ERAP1: variants seen among roughly 807,000 people sequenced by gnomAD.
ERAP1 encodes endoplasmic reticulum aminopeptidase 1, also known as adipocyte-derived leucine aminopeptidase.
ERAP1 carries 86 observed loss-of-function variants against 103.7 expected under a neutral mutation model. That is an observed-to-expected ratio of 0.83 (90% confidence interval 0.70 to 0.99). The LOEUF is 0.99. Ranked by LOEUF, ERAP1 falls within the 50% of genes least tolerant of loss-of-function variation. The pLI, the probability that ERAP1 is intolerant of heterozygous loss-of-function variation, is 0.00. For missense variants in ERAP1, 1,009 were observed against 1,128.4 expected (o/e 0.89, Z 1.52); for synonymous variants, 398 against 402.4 (o/e 0.99, Z 0.13).
chr5:96,773,127 T>C (rs1053341370), downstream of ERAP1: 3 of 153,888 alleles, frequency 1.9e-5, no homozygotes, highest in Non-Finnish European at 1.5e-5. Flanking sequence ...TGCTTTGGGA[T>C]AATGTTTATA....
At chr5:96,926,938 C>T in the ERAP1 span, among the ~76,000 whole-genome samples, 1 of 152,108 alleles carries the variant, frequency 6.6e-6, no homozygotes, top group Non-Finnish European at 1.5e-5. Flanking sequence ...CGCCTCAGCC[C>T]CACAAGTAGC....
At chr5:96,865,264 G>GA in the ERAP1 span, among the ~76,000 whole-genome samples, 3 of 152,102 alleles carry the variant, frequency 2.0e-5, no homozygotes, top group East Asian at 1.9e-4. Context: ...GCAACTTATA[G>GA]AAAAAATGTG....
chr5:96,850,408 C>A, the ERAP1 span, among the ~76,000 whole-genome samples: 2 of 151,862 alleles, frequency 1.3e-5, no homozygotes, highest in African/African-American at 4.8e-5. Flanking sequence ...AACAAATAAC[C>A]CTACTAAAAA....
Position 96,803,507 on chromosome 5 carries a change from A to G in ERAP1, c.420T>C (p.Leu140=). The G allele has an allele frequency of 6.2e-7, 1 of 1,613,330 alleles. No individual in the cohort carries two copies. The highest frequency in any genetic ancestry group is 1.1e-5 in the South Asian group (1 of 91,070). Residue 140 remains leucine, a synonymous_variant, in exon 2 of 19, where the codon CTT becomes CTC. Transcript: ENST00000443439. ...QIALLAPEPL[L]VGLPYTVVIH... ...TGACAACTGTGTACGGGAGCCCGAC[A>G]AGGAGGGGCTCGGGAGCCAGCAGTG...
chr5:96,822,911 G>T, the ERAP1 span: 1 of 368,700 alleles, frequency 2.7e-6, no homozygotes. Context: ...GCTGAATCAA[G>T]GTGTCATCCA....
At chr5:96,799,378 A>G in intron 3 of ERAP1, among the ~76,000 whole-genome samples, 1 of 152,024 alleles carries the variant, frequency 6.6e-6, no homozygotes, top group East Asian at 1.9e-4. Context: ...GGCTACTCGT[A>G]TTAGATTTCT....
the ERAP1 span, among the ~76,000 whole-genome samples, chr5:96,840,836 G>T: frequency 6.6e-6 from 1 of 151,940 alleles, no homozygotes; most frequent in Non-Finnish European, 1.5e-5. Flanking sequence ...CTCCCAACTG[G>T]CTGGGACTAC....
the ERAP1 span, among the ~76,000 whole-genome samples, chr5:96,899,847 A>G: frequency 6.6e-6 from 1 of 152,210 alleles, no homozygotes; most frequent in Non-Finnish European, 1.5e-5. Context: ...AAAATTCAAC[A>G]AATTGATTCT....
chr5:96,924,229 G>A, the ERAP1 span, among the ~76,000 whole-genome samples: 1 of 152,152 alleles, frequency 6.6e-6, no homozygotes, highest in Non-Finnish European at 1.5e-5. Flanking sequence ...AAAGTGAAGC[G>A]TTAGCTCCTG....
At position 96,774,566 on chromosome 5, in the gene ERAP1, C is replaced by G. The variant is rs1773661992; in HGVS notation, c.*1830G>C. 2.0e-6 allele frequency: 2 copies of G among 985,332 alleles called. No homozygotes were observed. The highest frequency in any genetic ancestry group is 3.5e-5 in the African/African-American group (2 of 57,194). 61.0% of individuals were successfully genotyped at this position (985,332 alleles called of 1,614,324 possible). ...ATATTGTATCTGTTTAGAAAATGGG[C>G]TTTTCCAAAAGCAAACAAAGATAGG... On this transcript the variant is annotated 3_prime_UTR_variant, in exon 19 of 19. Transcript: ENST00000443439.
At chr5:96,808,208 G>GTGTT (rs1778898749), upstream of ERAP1, 1 of 181,596 alleles carries the variant, frequency 5.5e-6, no homozygotes, top group Admixed American at 1.2e-4. Flanking sequence ...GTGTGTGTGT[G>GTGTT]TGTGTGTGTG....
chr5:96,839,454 G>A, the ERAP1 span, among the ~76,000 whole-genome samples: 1 of 152,216 alleles, frequency 6.6e-6, no homozygotes, highest in Admixed American at 6.5e-5. Flanking sequence ...CCCACTGTGA[G>A]TTAGGAAGAC....
chr5:96,808,499 C>T (rs1458497779), upstream of ERAP1, among the ~76,000 whole-genome samples: 1 of 151,922 alleles, frequency 6.6e-6, no homozygotes, highest in Non-Finnish European at 1.5e-5. Flanking sequence ...GAACCCAGTA[C>T]TCTGTCGTGG....
chr5:96,776,700 A>C, intron 18 of ERAP1, 149 bp from the exon 19 acceptor site: 3 of 1,163,610 alleles, frequency 2.6e-6, no homozygotes, highest in Non-Finnish European at 3.6e-6. Flanking sequence ...ATGTACACAT[A>C]AGCTGTATGA....
chr5:96,841,614 G>C, the ERAP1 span, among the ~76,000 whole-genome samples: 13 of 152,158 alleles, frequency 8.5e-5, no homozygotes, highest in African/African-American at 2.9e-4. Context: ...AGGCAACCTA[G>C]CTAACCCAGA....
At chr5:96,776,698 A>G (rs1038504242) in intron 18 of ERAP1, 147 bp from the exon 19 acceptor site, 11 of 1,175,640 alleles carry the variant, frequency 9.4e-6, no homozygotes, top group East Asian at 2.5e-5. Flanking sequence ...TTATGTACAC[A>G]TAAGCTGTAT....
chr5:96,882,626 G>T, the ERAP1 span, among the ~76,000 whole-genome samples: 1 of 152,158 alleles, frequency 6.6e-6, no homozygotes, highest in Non-Finnish European at 1.5e-5. Context: ...AAAGATTCAG[G>T]TTTTTTTGTT....
the ERAP1 span, among the ~76,000 whole-genome samples, chr5:96,906,789 C>A: frequency 1.3e-5 from 2 of 152,132 alleles, no homozygotes; most frequent in African/African-American, 4.8e-5. Flanking sequence ...CCCAGTACTT[C>A]GTGAGGCCAA....
At chr5:96,892,197 C>A in the ERAP1 span, 1 of 1,222,528 alleles carries the variant, frequency 8.2e-7, no homozygotes, top group Non-Finnish European at 1.2e-6. Context: ...AAAAAGTCTG[C>A]TTAAATATGC....
Sources: allele counts gnomAD v4.1 joint callset (sites outside exome capture counted in the v4.1 genomes callset), GRCh38; gene constraint gnomAD v4.1.1; transcripts MANE v1.5; gene names NCBI Gene and HGNC (gene_info 2026-07-23, HGNC 2026-07-21).